The following CTNND2 variants were observed in gnomAD, a reference collection of about 807,000 sequenced individuals.
The protein encoded by CTNND2 is catenin delta-2.
CTNND2 carries 22 observed loss-of-function variants against 144.4 expected under a neutral mutation model. That is an observed-to-expected ratio of 0.15 (90% CI 0.11 to 0.22). The LOEUF is 0.22. Among genes scored for constraint, CTNND2 ranks in the 10% least tolerant of loss-of-function variants. CTNND2 has a pLI of 1.00. For missense variants in CTNND2, 1,353 were observed against 1,618.8 expected, an observed-to-expected ratio of 0.84 and a Z score of 2.82; for synonymous variants, 751 against 695.6, an observed-to-expected ratio of 1.08 and a Z score of -1.25.
intron 1 of CTNND2, among the ~76,000 whole-genome samples, chr5:11,768,169 T>C (rs1243342079): frequency 6.6e-6 from 1 of 152,230 alleles, no homozygotes; most frequent in Non-Finnish European, 1.5e-5. Context: ...TAGTCTGTTG[T>C]CTTCCTGACA....
intron 15 of CTNND2, among the ~76,000 whole-genome samples, chr5:11,095,214 C>A (rs1294101596): frequency 1.3e-5 from 2 of 152,184 alleles, no homozygotes; most frequent in Non-Finnish European, 2.9e-5. Flanking sequence ...ACGGAACCTG[C>A]AAACTTACAC....
At chr5:11,093,426 A>G (rs1284622682) in intron 15 of CTNND2, among the ~76,000 whole-genome samples, 1 of 152,216 alleles carries the variant, frequency 6.6e-6, no homozygotes, top group Non-Finnish European at 1.5e-5. Flanking sequence ...GGCAATGAAA[A>G]ACATTTATCA....
chr5:11,315,107 T>C (rs1751356710), intron 9 of CTNND2, among the ~76,000 whole-genome samples: 2 of 152,130 alleles, frequency 1.3e-5, no homozygotes. Flanking sequence ...ATGAGAACTT[T>C]AAAGAAAAAC....
chr5:11,581,003 T>C (rs1363561557), intron 2 of CTNND2, among the ~76,000 whole-genome samples: 2 of 152,232 alleles, frequency 1.3e-5, no homozygotes, highest in Non-Finnish European at 2.9e-5. Flanking sequence ...CCCAACAGTT[T>C]ATATATGATT....
chr5:11,569,434 T>C (rs1349523258), intron 2 of CTNND2, among the ~76,000 whole-genome samples: 3 of 152,206 alleles, frequency 2.0e-5, no homozygotes, highest in African/African-American at 7.2e-5. Context: ...ATTAGGATTA[T>C]TATAAGAAAA....
intron 10 of CTNND2, among the ~76,000 whole-genome samples, chr5:11,234,363 A>G (rs1038732350): frequency 6.6e-6 from 1 of 152,254 alleles, no homozygotes; most frequent in East Asian, 1.9e-4. Context: ...AGCAGTTTGT[A>G]TATGTTAAGT....
At chr5:11,231,412 T>A (rs2149886419) in intron 10 of CTNND2, among the ~76,000 whole-genome samples, 1 of 152,290 alleles carries the variant, frequency 6.6e-6, no homozygotes, top group East Asian at 1.9e-4. Context: ...TTGAATGGCT[T>A]TGACCAAAAT....
chr5:11,179,069 C>A (rs1760750265), intron 11 of CTNND2, among the ~76,000 whole-genome samples: 1 of 152,096 alleles, frequency 6.6e-6, no homozygotes, highest in Admixed American at 6.5e-5. Flanking sequence ...ATTTCAGTTG[C>A]CTACAGTCTC....
intron 10 of CTNND2, among the ~76,000 whole-genome samples, chr5:11,202,818 T>C (rs895237919): frequency 6.6e-6 from 1 of 152,178 alleles, no homozygotes; most frequent in Non-Finnish European, 1.5e-5. Flanking sequence ...TTTTCTTTTT[T>C]TCTGAGATGG....
At chr5:11,609,353 T>C (rs1229849321) in intron 2 of CTNND2, among the ~76,000 whole-genome samples, 1 of 152,164 alleles carries the variant, frequency 6.6e-6, no homozygotes, top group African/African-American at 2.4e-5. Context: ...TGATGAATTA[T>C]GAATAGTTGA....
At chr5:11,252,399 G>A (rs1442053228) in intron 9 of CTNND2, among the ~76,000 whole-genome samples, 4 of 152,156 alleles carry the variant, frequency 2.6e-5, no homozygotes, top group African/African-American at 7.2e-5. Context: ...TTAGTTCTAT[G>A]TCTATAGACA....
chr5:11,245,864 T>A (rs145912355), intron 9 of CTNND2, among the ~76,000 whole-genome samples: 1 of 151,744 alleles, frequency 6.6e-6, no homozygotes, highest in East Asian at 1.9e-4. Flanking sequence ...ATTTGGAGAG[T>A]CTTCGATGTG....
Position 11,470,980 on chromosome 5 carries a change from A to ATAT in CTNND2, c.288-58912_288-58911insATA, listed in dbSNP as rs1219093645. ...TATATATATATATATATATATATAT[A>ATAT]TTTTTTTTTTTTTTTTAGATGGAGT... On this transcript the variant is annotated intron_variant, in intron 3 of 21. Coordinates refer to ENST00000304623, the MANE Select transcript of CTNND2 (RefSeq NM_001332.4). Among the ~76,000 whole-genome samples, 60 of 91,532 alleles carry ATAT rather than the reference A, an allele frequency of 6.6e-4. 1 individual carries two copies. The highest frequency in any genetic ancestry group is 7.4e-4 in the Non-Finnish European group (38 of 51,128). The allele number at this position is 91,532 out of a possible 152,430, so 60.0% of individuals were successfully genotyped here.
At chr5:11,655,324 T>C (rs765587723) in intron 2 of CTNND2, among the ~76,000 whole-genome samples, 1 of 151,964 alleles carries the variant, frequency 6.6e-6, no homozygotes, top group Non-Finnish European at 1.5e-5. Flanking sequence ...AAGGTTCTTA[T>C]ATTAAGTCAG....
chr5:11,367,018 TACGAATATAATAATCAAATTA>T (rs774638247), intron 7 of CTNND2, among the ~76,000 whole-genome samples: 1 of 152,228 alleles, frequency 6.6e-6, no homozygotes, highest in Non-Finnish European at 1.5e-5. Context: ...CTGATATTAT[TACGAATATAATAATCAAATTA>T]ACTATCTGAA....
chr5:11,504,781 G>A (rs907067002), intron 3 of CTNND2, among the ~76,000 whole-genome samples: 1 of 152,178 alleles, frequency 6.6e-6, no homozygotes, highest in Non-Finnish European at 1.5e-5. Flanking sequence ...CCTGGGACTA[G>A]GGCAACACCT....
intron 12 of CTNND2, among the ~76,000 whole-genome samples, chr5:11,135,822 G>A (rs1271223053): frequency 6.6e-6 from 1 of 152,152 alleles, no homozygotes; most frequent in Non-Finnish European, 1.5e-5. Context: ...GATGCAGTGG[G>A]CTGTGGGTTA....
chr5:11,464,236 A>G (rs1561432657), intron 3 of CTNND2, among the ~76,000 whole-genome samples: 1 of 152,222 alleles, frequency 6.6e-6, no homozygotes, highest in Non-Finnish European at 1.5e-5. Context: ...AACAAAATAA[A>G]TAAGTACATA....
intron 16 of CTNND2, among the ~76,000 whole-genome samples, chr5:11,074,953 C>A (rs61750301): frequency 0.19 from 28,582 of 150,788 alleles, 3,191 homozygotes; most frequent in Non-Finnish European, 0.26. Flanking sequence ...CCCCTGCCCA[C>A]CCCCCACCTC....
Sources: allele counts gnomAD v4.1 joint callset (sites outside exome capture counted in the v4.1 genomes callset), GRCh38; gene constraint gnomAD v4.1.1; transcripts MANE v1.5; gene names NCBI Gene and HGNC (gene_info 2026-07-23, HGNC 2026-07-21).